NOXA1: variants seen among roughly 807,000 people sequenced by gnomAD.
NOXA1 encodes the protein NADPH oxidase activator 1.
Under a neutral mutation model 64.8 loss-of-function variants are expected in NOXA1, and 56 were observed. The observed-to-expected ratio is 0.86, with a 90% confidence interval of 0.70 to 1.08. NOXA1 has a LOEUF of 1.08. NOXA1 is among the 50% of genes least tolerant of loss of function. NOXA1 has a pLI of 0.00. For synonymous variants in NOXA1, 295 were observed against 294.8 expected (o/e 1.00, Z -0.01); for missense variants, 668 against 658.5 (o/e 1.01, Z -0.16).
Position 137,431,429 on chromosome 9 carries a change from G to A in NOXA1, c.804+88G>A, listed in dbSNP as rs537608804. The A allele has an allele frequency of 3.6e-6, 4 of 1,122,924 alleles. No homozygotes were observed. The highest frequency in any genetic ancestry group is 3.9e-6 in the Non-Finnish European group (3 of 763,756). 69.6% of individuals were successfully genotyped at this position (1,122,924 alleles called of 1,614,324 possible). ...GGGACCACAATGGGACCAACATGAG[G>A]GTGGAGGGAGCAGCTCGCTGGGGGG... On this transcript the variant is annotated intron_variant, in intron 8 of 13. Coordinates refer to ENST00000683555, the MANE Select transcript of NOXA1 (RefSeq NM_001256067.2). The surrounding 1 kb of genome is among the most constrained non-coding windows in gnomAD (Gnocchi z 5.6).
At chr9:137,425,169 C>G (rs374481764) in intron 1 of NOXA1, among the ~76,000 whole-genome samples, 1 of 152,308 alleles carries the variant, frequency 6.6e-6, no homozygotes, top group East Asian at 1.9e-4. Flanking sequence ...AGCCCCCACT[C>G]AGCCAGATTT....
At chr9:137,430,996 A>G in intron 6 of NOXA1, 79 bp from the exon 7 acceptor site, 1 of 1,608,206 alleles carries the variant, frequency 6.2e-7, no homozygotes, top group Non-Finnish European at 8.5e-7. Context: ...ACCTGGGGAA[A>G]CCACTCTTCA....
At position 137,431,122 on chromosome 9, in the gene NOXA1, C is replaced by G; in HGVS notation, c.698+22C>G. On this transcript the variant is annotated intron_variant, in intron 7 of 13. Transcript: ENST00000683555. This position sits in a 1 kb window ranked among gnomAD's most constrained non-coding sequence, Gnocchi z 5.6. ...CCAGGTAGGAGGGGCTGACTGGGCCCTGCGAGCGCGTGCCTTTCCTGCTGG... is the reference window on the plus strand; with the variant it reads ...CCAGGTAGGAGGGGCTGACTGGGCCGTGCGAGCGCGTGCCTTTCCTGCTGG... The G allele has an allele frequency of 6.2e-7, 1 of 1,612,932 alleles. No homozygotes were observed. Among genetic ancestry groups the G allele is most frequent in the East Asian group, 2.2e-5 (1 of 44,840 alleles).
chr9:137,431,350 GCCTGGGCC>G lies in NOXA1; in HGVS notation c.804+10_804+17del. The G allele has an allele frequency of 6.2e-7, 1 of 1,601,374 alleles. No individual in the cohort carries two copies. Among genetic ancestry groups the G allele is most frequent in the Non-Finnish European group, 8.5e-7 (1 of 1,176,010 alleles). On this transcript the variant is annotated intron_variant, in intron 8 of 13. Coordinates refer to ENST00000683555, the MANE Select transcript of NOXA1 (RefSeq NM_001256067.2). The surrounding 1 kb of genome is among the most constrained non-coding windows in gnomAD (Gnocchi z 5.6). ...CTGCCTACCAGGAGCAGGTGCGTGG[GCCTGGGCC>G]TCTTCCCCTGCTGGGGGTCGGTGCT...
At chr9:137,430,991 G>A (rs886495656) in intron 6 of NOXA1, 84 bp from the exon 7 acceptor site, 12 of 1,606,628 alleles carry the variant, frequency 7.5e-6, no homozygotes, top group Middle Eastern at 1.7e-4. Context: ...GTAAGACCTG[G>A]GGAAACCACT....
At chr9:137,428,655 G>A (rs960166686) in intron 3 of NOXA1, among the ~76,000 whole-genome samples, 1 of 150,524 alleles carries the variant, frequency 6.6e-6, no homozygotes, top group African/African-American at 2.4e-5. Context: ...ACGGTGCAGG[G>A]GAGGGGCCGG....
chr9:137,431,434 A>C lies in NOXA1; in HGVS notation c.804+93A>C, dbSNP rs1839106141. ...CACAATGGGACCAACATGAGGGTGG[A>C]GGGAGCAGCTCGCTGGGGGGTAGAC... On this transcript the variant is annotated intron_variant, in intron 8 of 13. Coordinates refer to ENST00000683555, the MANE Select transcript of NOXA1 (RefSeq NM_001256067.2). This position sits in a 1 kb window ranked among gnomAD's most constrained non-coding sequence, Gnocchi z 5.6. The C allele has an allele frequency of 9.2e-7, 1 of 1,081,984 alleles. No individual in the cohort carries two copies. 67.0% of individuals were successfully genotyped at this position (1,081,984 alleles called of 1,614,324 possible). A position where few individuals can be genotyped will look rare whatever the true frequency, so the allele number is the denominator to read the frequency against.
chr9:137,434,264 C>T lies in NOXA1; in HGVS notation c.1335C>T (p.Ile445=), dbSNP rs369853604. ...AWLEGHCDGR[I]GIFPKCFVVP... is the part of the protein sequence containing the mutation. ...TGGAGGGCCACTGTGACGGCCGCAT[C>T]GGCATCTTCCCCAAGTGCTTCGTGG... Residue 445 remains isoleucine, a synonymous_variant, in exon 14 of 14, where the codon ATC becomes ATT. Coordinates refer to ENST00000683555, the MANE Select transcript of NOXA1 (RefSeq NM_001256067.2). 1.8e-4 allele frequency: 288 copies of T among 1,610,928 alleles called. No homozygotes were observed. Among genetic ancestry groups the T allele is most frequent in the Admixed American group, 6.3e-4 (38 of 59,972 alleles).
chr9:137,426,384 A>G, intron 2 of NOXA1, 54 bp downstream of exon 2: 1 of 1,424,446 alleles, frequency 7.0e-7, no homozygotes, highest in South Asian at 1.1e-5. Flanking sequence ...CTCCCTGCAG[A>G]GTCCACTCCT....
intron 5 of NOXA1, among the ~76,000 whole-genome samples, chr9:137,429,663 C>T (rs9695429): frequency 0.28 from 42,872 of 152,104 alleles, 6,430 homozygotes; most frequent in East Asian, 0.6. Context: ...CCAGACTGGG[C>T]CATGGCCACA....
At chr9:137,426,764 A>G (rs1220579210) in intron 2 of NOXA1, among the ~76,000 whole-genome samples, 1 of 152,252 alleles carries the variant, frequency 6.6e-6, no homozygotes, top group Non-Finnish European at 1.5e-5. Context: ...ATAATTCTAG[A>G]AAAAATAAAA....
chr9:137,429,146 G>A, intron 4 of NOXA1, 130 bp downstream of exon 4: 1 of 1,370,690 alleles, frequency 7.3e-7, no homozygotes, highest in Non-Finnish European at 9.7e-7. Context: ...CCAGGCGGGG[G>A]CTTCCTGTGA....
intron 8 of NOXA1, among the ~76,000 whole-genome samples, chr9:137,432,771 C>T (rs1017236229): frequency 2.6e-5 from 4 of 152,208 alleles, no homozygotes; most frequent in South Asian, 2.1e-4. Context: ...AGCCCACCCA[C>T]CTGGAGCTGC....
Position 137,434,078 on chromosome 9 carries a change from AG to A in NOXA1, c.1294+1del. 1 of 1,583,622 alleles carries A rather than the reference AG, an allele frequency of 6.3e-7. No individual in the cohort carries two copies. The highest frequency in any genetic ancestry group is 8.6e-7 in the Non-Finnish European group (1 of 1,169,500). Reference protein sequence around the residue: ...QGDTVDVLCEVDQAWLEGHCD... With the variant: ...QGDTVDVLCEXDQAWLEGHCD... The stretch of plus-strand genomic sequence containing the variant: ...GGGACACGGTGGACGTCCTGTGTGA[AG>A]GTAGGGTGGGCATGGCCCTTCCCAG... On this transcript the variant is annotated frameshift_variant and splice_region_variant, in exon 13 of 14. Coordinates refer to ENST00000683555, the MANE Select transcript of NOXA1 (RefSeq NM_001256067.2). LOFTEE classifies it low-confidence loss of function (END_TRUNC).
At chr9:137,432,244 C>T (rs989545227) in intron 8 of NOXA1, among the ~76,000 whole-genome samples, 24 of 149,920 alleles carry the variant, frequency 1.6e-4, no homozygotes, top group Admixed American at 9.3e-4. Context: ...AGTGCCACTC[C>T]ACTCCGGCCT....
intron 5 of NOXA1, among the ~76,000 whole-genome samples, chr9:137,429,853 G>GC (rs1839016881): frequency 1.1e-5 from 1 of 92,700 alleles, no homozygotes; most frequent in Non-Finnish European, 2.2e-5. Context: ...AGGTCCCGGG[G>GC]GGGGGGGGTC....
chr9:137,429,039 T>C (rs751135039), intron 4 of NOXA1, 23 bp downstream of exon 4: 45 of 1,523,132 alleles, frequency 3.0e-5, no homozygotes, highest in Middle Eastern at 1.7e-4. Context: ...AGCCCGGTCA[T>C]GGTTTTGGGC....
At chr9:137,428,716 T>G (rs1051787589) in intron 3 of NOXA1, among the ~76,000 whole-genome samples, 166 bp from the exon 4 acceptor site, 4 of 63,110 alleles carry the variant, frequency 6.3e-5, no homozygotes, top group African/African-American at 1.2e-4. Flanking sequence ...AGAAGCCAGG[T>G]GGGGGGACTG....
Position 137,423,680 on chromosome 9 carries a change from G to T in NOXA1, c.151G>T (p.Ala51Ser), listed in dbSNP as rs1281656524. ...CFNAGCVHLLAGDPEAALRAF... is the reference protein window; with the variant it reads ...CFNAGCVHLLSGDPEAALRAF... ...CAACGCGGGCTGCGTGCACCTGCTG[G>T]CCGGGGACCCCGAGGCCGCGCTGCG... Residue 51 changes from alanine (A) to serine (S), a missense_variant, in exon 1 of 14, where the codon GCC (alanine) becomes TCC (serine). By Grantham distance (99) the Ala-to-Ser change is moderately conservative. Coordinates refer to ENST00000683555, the MANE Select transcript of NOXA1 (RefSeq NM_001256067.2). The T allele has an allele frequency of 7.3e-7, 1 of 1,362,228 alleles. No homozygotes were observed. Among genetic ancestry groups the T allele is most frequent in the Non-Finnish European group, 9.5e-7 (1 of 1,056,186 alleles). The allele number at this position is 1,362,228 out of a possible 1,614,324, so 84.4% of individuals were successfully genotyped here.
Sources: gnomAD v4.1 joint callset for allele counts (sites outside exome capture counted in the v4.1 genomes callset) on GRCh38, gnomAD v4.1.1 for gene constraint, Gnocchi (gnomAD v3.1) non-coding constraint, MANE v1.5 for transcripts, NCBI Gene and HGNC (gene_info 2026-07-23, HGNC 2026-07-21) for gene names.